Variants in ARPC2 observed in about 807,000 individuals in gnomAD.
ARPC2 encodes actin related protein 2/3 complex subunit 2, also known as actin-related protein 2/3 complex subunit 2.
In ARPC2, 4 loss-of-function variants were observed where a neutral mutation model predicts 38.6. The observed-to-expected ratio is 0.10, with a 90% confidence interval of 0.05 to 0.24. The LOEUF (loss-of-function observed/expected upper bound fraction) is 0.24, where lower values mean the gene tolerates loss of function less well. Ranked by LOEUF, ARPC2 falls within the 10% of genes least tolerant of loss-of-function variation. ARPC2 has a pLI of 1.00. For synonymous variants in ARPC2, 125 were observed against 140.8 expected (o/e 0.89, Z 0.79); for missense variants, 229 against 387.3 (o/e 0.59, Z 3.43).
At chr2:218,222,972 G>A (rs529774416) in intron 2 of ARPC2, among the ~76,000 whole-genome samples, 2 of 152,296 alleles carry the variant, frequency 1.3e-5, no homozygotes, top group East Asian at 1.9e-4. Context: ...TGGGTAAATG[G>A]TCTAGCCTCT....
chr2:218,220,061 A>G (rs1351677877), intron 2 of ARPC2, among the ~76,000 whole-genome samples: 1 of 152,186 alleles, frequency 6.6e-6, no homozygotes, highest in African/African-American at 2.4e-5. Context: ...CCAGGCAGCA[A>G]CAGAAAAAAA....
intron 2 of ARPC2, among the ~76,000 whole-genome samples, chr2:218,225,350 A>G (rs1441522781): frequency 6.6e-6 from 1 of 152,232 alleles, no homozygotes; most frequent in Non-Finnish European, 1.5e-5. Context: ...GGGTAGAACT[A>G]AAGAGGGTTT....
intron 10 of ARPC2, among the ~76,000 whole-genome samples, chr2:218,252,735 A>C (rs1242723313): frequency 6.6e-6 from 1 of 152,204 alleles, no homozygotes; most frequent in Admixed American, 6.5e-5. Flanking sequence ...TCCAGGAGGA[A>C]GGCCTGTTAG....
chr2:218,252,688 G>A (rs1387862217), intron 10 of ARPC2, among the ~76,000 whole-genome samples: 2 of 152,196 alleles, frequency 1.3e-5, no homozygotes, highest in Admixed American at 1.3e-4. Context: ...TCTCAGGGCT[G>A]CCAGCATCAC....
intron 4 of ARPC2, chr2:218,229,344 A>G (rs1287720128): frequency 6.6e-6 from 1 of 152,612 alleles, no homozygotes; most frequent in African/African-American, 2.4e-5. Flanking sequence ...TCCAGACATT[A>G]TGAAACTTCG....
At chr2:218,250,495 T>G (rs1363101719) in intron 10 of ARPC2, among the ~76,000 whole-genome samples, 1 of 151,818 alleles carries the variant, frequency 6.6e-6, no homozygotes, top group Non-Finnish European at 1.5e-5. Context: ...AACCCCATCT[T>G]TACTAAAAAT....
chr2:218,224,339 A>T (rs1037265634), intron 2 of ARPC2, among the ~76,000 whole-genome samples: 1 of 152,184 alleles, frequency 6.6e-6, no homozygotes, highest in African/African-American at 2.4e-5. Context: ...GTTAAAAAAA[A>T]ACTTACTAAG....
At position 218,242,699 on chromosome 2, in the gene ARPC2, C is replaced by A. The variant is rs557583536; in HGVS notation, c.550-2721C>A. ...TGATCTGATAGGTTAAAGGTGGTAT[C>A]TGTGTCTGCTTATGATGACATAAAA... is the stretch of plus-strand genomic sequence containing the variant. On this transcript the variant is annotated intron_variant, in intron 7 of 10. Coordinates refer to ENST00000315717, the MANE Select transcript of ARPC2 (RefSeq NM_152862.3). Among the ~76,000 whole-genome samples, 481 of 152,250 alleles carry A rather than the reference C, an allele frequency of 3.2e-3. 1 individual carries two copies. The highest frequency in any genetic ancestry group is 5.1e-3 in the Non-Finnish European group (348 of 68,026).
At chr2:218,217,351 C>G in intron 1 of ARPC2, 97 bp downstream of exon 1, 3 of 955,144 alleles carry the variant, frequency 3.1e-6, no homozygotes, top group Non-Finnish European at 5.0e-6. Flanking sequence ...CCCTTCTCCC[C>G]TAACCTCCTA....
chr2:218,239,966 G>T (rs911909297), intron 7 of ARPC2, among the ~76,000 whole-genome samples: 1 of 151,578 alleles, frequency 6.6e-6, no homozygotes, highest in African/African-American at 2.4e-5. Context: ...TGCTGCTGCT[G>T]TTGTTTTGAG....
chr2:218,236,452 G>C (rs1322970680), intron 5 of ARPC2: 2 of 152,030 alleles, frequency 1.3e-5, no homozygotes, highest in Non-Finnish European at 2.9e-5. Context: ...GCATTATCTA[G>C]AGCAAAGATT....
At chr2:218,242,126 G>A (rs1689930364) in intron 7 of ARPC2, among the ~76,000 whole-genome samples, 1 of 152,138 alleles carries the variant, frequency 6.6e-6, no homozygotes, top group South Asian at 2.1e-4. Flanking sequence ...TTCAAGTCTT[G>A]CTTTTGTCAT....
chr2:218,217,326 A>AC, intron 1 of ARPC2, 72 bp downstream of exon 1: 1 of 687,066 alleles, frequency 1.5e-6, no homozygotes, highest in Non-Finnish European at 2.5e-6. Flanking sequence ...CCTTCCCTCC[A>AC]CCCCGGCCCC....
At chr2:218,229,687 G>A (rs955459529) in intron 4 of ARPC2, among the ~76,000 whole-genome samples, 1 of 152,164 alleles carries the variant, frequency 6.6e-6, no homozygotes, top group Non-Finnish European at 1.5e-5. Flanking sequence ...TCAAAAGCTT[G>A]TTTAATTTTT....
At position 218,249,839 on chromosome 2, in the gene ARPC2, A is replaced by G; in HGVS notation, c.796A>G (p.Met266Val). Reference sequence around the variant, plus strand: ...TTCCCAGGCCTATATTCACACACGTATGCGGGCGAAAACGTCTGACTTCCT... The same window carrying G: ...TTCCCAGGCCTATATTCACACACGTGTGCGGGCGAAAACGTCTGACTTCCT... ...KCSKAYIHTR[M>V]RAKTSDFLKV... The change falls in exon 10 of 11, where the codon ATG (methionine) becomes GTG (valine). Residue 266 changes from methionine to valine, a missense_variant. Met to Val is a conservative substitution (Grantham distance 21). Coordinates refer to ENST00000315717, the MANE Select transcript of ARPC2 (RefSeq NM_152862.3). 2 of 1,613,894 alleles carry G rather than the reference A, an allele frequency of 1.2e-6. No individual in the cohort carries two copies. Among genetic ancestry groups the G allele is most frequent in the East Asian group, 4.5e-5 (2 of 44,876 alleles).
At chr2:218,253,620 A>G (rs1052298093) in intron 10 of ARPC2, among the ~76,000 whole-genome samples, 3 of 152,242 alleles carry the variant, frequency 2.0e-5, no homozygotes, top group Admixed American at 6.5e-5. Flanking sequence ...TGATTCTTCT[A>G]TCTAACTTGG....
chr2:218,217,197 AGCGGCAGTG>A lies in ARPC2; in HGVS notation c.-60_-52del. 2.4e-6 allele frequency: 1 copy of A among 422,972 alleles called. No homozygotes were observed. Among genetic ancestry groups the A allele is most frequent in the Non-Finnish European group, 4.2e-6 (1 of 237,374 alleles). 26.2% of individuals were successfully genotyped at this position (422,972 alleles called of 1,614,324 possible). A position where few individuals can be genotyped will look rare whatever the true frequency, so the allele number is the denominator to read the frequency against. On this transcript the variant is annotated 5_prime_UTR_variant, in exon 1 of 11. Transcript: ENST00000315717. The stretch of plus-strand genomic sequence containing the variant: ...GGGCGGGGACCGGGCTTGTCGGTGA[AGCGGCAGTG>A]GCGGCGGCGGCGGCGGCTCGGCAGG...
chr2:218,249,358 C>T lies in ARPC2; in HGVS notation c.677-6C>T. On this transcript the variant is annotated splice_region_variant and splice_polypyrimidine_tract_variant and intron_variant, in intron 8 of 10. Transcript: ENST00000315717. ...CTGACGCCTTGTTTGTGTCTTCCGC[C>T]TTCAGTGCTGTTCCCTCGTCACACC... The T allele has an allele frequency of 6.2e-7, 1 of 1,607,934 alleles. No individual in the cohort carries two copies.
intron 8 of ARPC2, among the ~76,000 whole-genome samples, chr2:218,249,046 G>A (rs1050014315): frequency 6.6e-6 from 1 of 152,176 alleles, no homozygotes; most frequent in Non-Finnish European, 1.5e-5. Flanking sequence ...CAGCTGCAGA[G>A]GCAAGAGCTA....
Sources: allele counts gnomAD v4.1 joint callset (sites outside exome capture counted in the v4.1 genomes callset), GRCh38; gene constraint gnomAD v4.1.1; transcripts MANE v1.5; gene names NCBI Gene and HGNC (gene_info 2026-07-23, HGNC 2026-07-21).